CDH22: variants seen among roughly 807,000 people sequenced by gnomAD.
The protein encoded by CDH22 is cadherin 22.
In CDH22, 30 loss-of-function variants were observed where a neutral mutation model predicts 58.4. The ratio of observed to expected loss-of-function variants is 0.51; its 90% CI spans 0.38 to 0.70. CDH22 has a LOEUF of 0.70. CDH22 is among the 30% of genes least tolerant of loss of function. The pLI, the probability that CDH22 is intolerant of heterozygous loss-of-function variation, is 0.00. For synonymous variants in CDH22, 513 were observed against 558.2 expected (o/e 0.92, Z 1.14); for missense variants, 1,014 against 1,233.9 (o/e 0.82, Z 2.67).
intron 1 of CDH22, among the ~76,000 whole-genome samples, chr20:46,261,719 T>G (rs559556114): frequency 1.3e-5 from 2 of 152,186 alleles, no homozygotes; most frequent in Admixed American, 1.3e-4. Context: ...GAGCTCTCTG[T>G]GCTTGGCTGC....
At position 46,210,347 on chromosome 20, in the gene CDH22, C is replaced by G; in HGVS notation, c.1246G>C (p.Val416Leu). The change falls in exon 7 of 12, where the codon GTG (valine) becomes CTG (leucine). Residue 416 changes from valine (V) to leucine (L), a missense_variant. Coordinates refer to ENST00000537909, the MANE Select transcript of CDH22 (RefSeq NM_021248.3). The surrounding 1 kb of genome is among the most constrained non-coding windows in gnomAD (Gnocchi z 4.5). Reference protein sequence around the residue: ...DAQVGSLVGVVTARDPDAANR... With the variant: ...DAQVGSLVGVLTARDPDAANR... ...GCGGCGTCGGGGTCCCGCGCCGTCACCACGCCGACCAGGGAGCCCACCTGC... is the reference window on the plus strand; with the variant it reads ...GCGGCGTCGGGGTCCCGCGCCGTCAGCACGCCGACCAGGGAGCCCACCTGC... The G allele has an allele frequency of 1.4e-6, 2 of 1,466,362 alleles. No homozygotes were observed. Among genetic ancestry groups the G allele is most frequent in the Middle Eastern group, 2.4e-4 (1 of 4,190 alleles). 90.8% of individuals were successfully genotyped at this position (1,466,362 alleles called of 1,614,324 possible). A position where few individuals can be genotyped will look rare whatever the true frequency, so the allele number is the denominator to read the frequency against.
At chr20:46,294,286 G>T (rs2086619164) in intron 1 of CDH22, among the ~76,000 whole-genome samples, 1 of 152,100 alleles carries the variant, frequency 6.6e-6, no homozygotes, top group South Asian at 2.1e-4. Flanking sequence ...AACGAAGTGG[G>T]TTCTGTTCTC....
chr20:46,181,752 C>CTTCGTTCG, intron 10 of CDH22, among the ~76,000 whole-genome samples: 1 of 26,272 alleles, frequency 3.8e-5, no homozygotes. Flanking sequence ...TCCTTCCTTC[C>CTTCGTTCG]TTCTTTCTTT....
At chr20:46,230,032 A>C (rs73622660) in intron 3 of CDH22, among the ~76,000 whole-genome samples, 2 of 152,120 alleles carry the variant, frequency 1.3e-5, no homozygotes, top group African/African-American at 4.8e-5. Context: ...GGAATGGTAA[A>C]GGGTCAGTGA....
chr20:46,245,722 G>A (rs2086323666), intron 2 of CDH22, among the ~76,000 whole-genome samples: 1 of 152,164 alleles, frequency 6.6e-6, no homozygotes, highest in South Asian at 2.1e-4. Flanking sequence ...ATTTCTGGAG[G>A]ATTCAGCCAC....
rs575218225 is a variant in CDH22 at position 46,203,093 on chromosome 20, A to G, written c.1287-3534T>C. 8.6e-5 allele frequency among the ~76,000 whole-genome samples: 13 copies of G among 151,968 alleles called. No homozygotes were observed. The East Asian group carries it at 1.9e-3, about 23-fold the overall frequency. On this transcript the variant is annotated intron_variant, in intron 7 of 11. Coordinates refer to ENST00000537909, the MANE Select transcript of CDH22 (RefSeq NM_021248.3). ...CTCTTTTGTTCTTTCCTCGAGGGGA[A>G]GGGAGGGGCTGGAATCTAAATGGAG...
intron 2 of CDH22, among the ~76,000 whole-genome samples, chr20:46,250,584 C>A (rs138204840): frequency 1.3e-5 from 2 of 152,092 alleles, no homozygotes; most frequent in African/African-American, 4.8e-5. Flanking sequence ...AGAAGAGCAA[C>A]GGAAGGGCAG....
intron 11 of CDH22, among the ~76,000 whole-genome samples, chr20:46,176,272 A>G (rs936266350): frequency 4.6e-5 from 7 of 151,860 alleles, no homozygotes; most frequent in South Asian, 2.1e-4. Flanking sequence ...TCCAGCCTGG[A>G]CCTCTCCCCT....
At chr20:46,252,071 C>G (rs1246036243) in intron 1 of CDH22, among the ~76,000 whole-genome samples, 1 of 152,034 alleles carries the variant, frequency 6.6e-6, no homozygotes. Context: ...ATCCCCCACC[C>G]TAGGTGCTTC....
rs1261914484 is a variant in CDH22 at position 46,199,425 on chromosome 20, G to T, written c.1421C>A (p.Ala474Glu). ...WHNITVLAME[A>E]DNHAQLSRAS... is the part of the protein sequence containing the mutation. ...AGGGGGCGTGGCGCCCAGCTCACCC[G>T]CCTCCATGGCCAGCACTGTGATGTT... The change falls in exon 8 of 12, where the codon GCG becomes GAG. Residue 474 changes from alanine to glutamate, a missense_variant and splice_region_variant. This residue lies in a region of CDH22 where 806 missense variants were observed against 1,038.7 expected (regional missense o/e 0.78). Transcript: ENST00000537909. 6.2e-7 allele frequency: 1 copy of T among 1,609,078 alleles called. No individual in the cohort carries two copies. Among genetic ancestry groups the T allele is most frequent in the Admixed American group, 1.7e-5 (1 of 59,912 alleles).
At chr20:46,294,755 G>T (rs1302391179) in intron 1 of CDH22, among the ~76,000 whole-genome samples, 1 of 152,214 alleles carries the variant, frequency 6.6e-6, no homozygotes, top group African/African-American at 2.4e-5. Flanking sequence ...CAAGGAAAAG[G>T]CTACTCTGTA....
At chr20:46,245,585 A>C (rs1351105539) in intron 2 of CDH22, among the ~76,000 whole-genome samples, 1 of 152,134 alleles carries the variant, frequency 6.6e-6, no homozygotes, top group Admixed American at 6.5e-5. Context: ...AAGCTCCTTG[A>C]GGGCCAAGCA....
At chr20:46,277,789 G>A (rs2086527137) in intron 1 of CDH22, among the ~76,000 whole-genome samples, 1 of 152,110 alleles carries the variant, frequency 6.6e-6, no homozygotes, top group East Asian at 1.9e-4. Context: ...GTTGTAACGA[G>A]GAGGGGGCGG....
At position 46,270,496 on chromosome 20, in the gene CDH22, T is replaced by C. The variant is rs142203658; in HGVS notation, c.-399-18803A>G. Among the ~76,000 whole-genome samples, 529 of 152,264 alleles carry C rather than the reference T, an allele frequency of 3.5e-3. 6 individuals are homozygous for C. The highest frequency in any genetic ancestry group is 0.012 in the African/African-American group (502 of 41,554). ...GCATCTTCTTCCTTAATCTCCGGTC[T>C]CGGGCTGGAACAAGAAAGGGGGGCG... On this transcript the variant is annotated intron_variant, in intron 1 of 11. Coordinates refer to ENST00000537909, the MANE Select transcript of CDH22 (RefSeq NM_021248.3).
intron 8 of CDH22, among the ~76,000 whole-genome samples, chr20:46,199,053 C>T (rs1360945272): frequency 2.6e-5 from 4 of 152,282 alleles, no homozygotes; most frequent in Admixed American, 2.0e-4. Flanking sequence ...GCTTTTCTGT[C>T]ATGTTCAAGG....
chr20:46,213,225 GC>G (rs767537691), intron 5 of CDH22, 37 bp from the exon 6 acceptor site: 2 of 1,580,534 alleles, frequency 1.3e-6, no homozygotes, highest in East Asian at 4.5e-5. Flanking sequence ...GATGAAGGCA[GC>G]CCCTTCCCCA....
At chr20:46,258,456 G>A (rs1211720223) in intron 1 of CDH22, among the ~76,000 whole-genome samples, 5 of 152,074 alleles carry the variant, frequency 3.3e-5, no homozygotes, top group African/African-American at 9.7e-5. Context: ...CTCTCCTGCC[G>A]CAGGGCCCGG....
chr20:46,199,519 C>T lies in CDH22; in HGVS notation c.1327G>A (p.Asp443Asn). The change falls in exon 8 of 12, where the codon GAT (aspartate) becomes AAT (asparagine). Residue 443 changes from aspartate (D) to asparagine (N), a missense_variant. This residue lies in a region of CDH22 where 806 missense variants were observed against 1,038.7 expected (regional missense o/e 0.78). Transcript: ENST00000537909. ...DRESDLDQIF[D>N]IDADTGAIVT... is the part of the protein sequence containing the mutation. ...ATGGCGCCTGTGTCCGCATCGATATCGAAGATCTGGTCCAAATCTGATTCG... is the reference window on the plus strand; with the variant it reads ...ATGGCGCCTGTGTCCGCATCGATATTGAAGATCTGGTCCAAATCTGATTCG... 3 of 1,613,900 alleles carry T rather than the reference C, an allele frequency of 1.9e-6. No homozygotes were observed. Among genetic ancestry groups the T allele is most frequent in the Non-Finnish European group, 2.5e-6 (3 of 1,179,960 alleles).
chr20:46,177,825 G>T, intron 11 of CDH22, 121 bp downstream of exon 11: 1 of 1,278,598 alleles, frequency 7.8e-7, no homozygotes, highest in Non-Finnish European at 1.1e-6. Context: ...GAGATGGTTT[G>T]GCCAGCCCAT....
Sources: allele counts gnomAD v4.1 joint callset (sites outside exome capture counted in the v4.1 genomes callset), GRCh38; gene constraint gnomAD v4.1.1; regional missense constraint gnomAD v4.1.1; non-coding constraint Gnocchi (gnomAD v3.1); transcripts MANE v1.5; gene names NCBI Gene and HGNC (gene_info 2026-07-23, HGNC 2026-07-21).